The following GRAMD4 variants were observed in gnomAD, a reference collection of about 807,000 sequenced individuals.
GRAMD4 encodes GRAM domain-containing protein 4.
In GRAMD4, 25 loss-of-function variants were observed where a neutral mutation model predicts 83.9. The ratio of observed to expected loss-of-function variants is 0.30; its 90% CI spans 0.22 to 0.42. GRAMD4 has a LOEUF of 0.42. GRAMD4 is among the 10% of genes least tolerant of loss of function. The pLI is 1.00. For missense variants in GRAMD4, 593 were observed against 788.7 expected (o/e 0.75, Z 2.97); for synonymous variants, 336 against 320.9 (o/e 1.05, Z -0.50).
rs186057975 is a variant in GRAMD4 at position 46,641,025 on chromosome 22, C to T, written c.283+3065C>T. On this transcript the variant is annotated intron_variant, in intron 3 of 18. Coordinates refer to ENST00000406902, the MANE Select transcript of GRAMD4 (RefSeq NM_015124.5). ...CAAATTTCCCTGATAGGGATCGAGC[C>T]GCTGCACTCCAGCCCGGATGACAGA... Among the ~76,000 whole-genome samples, 607 of 151,240 alleles carry T rather than the reference C, an allele frequency of 4.0e-3. 4 individuals are homozygous for T. Among genetic ancestry groups the T allele is most frequent in the African/African-American group, 0.014 (576 of 40,524 alleles).
chr22:46,608,947 T>C (rs918235996), intron 1 of GRAMD4, among the ~76,000 whole-genome samples: 12 of 151,960 alleles, frequency 7.9e-5, no homozygotes, highest in African/African-American at 2.9e-4. Context: ...CACGTGCCTG[T>C]AGTACCAGCC....
At chr22:46,579,753 A>G (rs6008920) in intron 1 of GRAMD4, among the ~76,000 whole-genome samples, 150,354 of 152,228 alleles carry the variant, frequency 0.99, 74,265 homozygotes, top group East Asian at 1. Context: ...ACTGGGGTTT[A>G]TTTGGCATTG....
At chr22:46,669,993 C>G (rs2748339) in intron 13 of GRAMD4, among the ~76,000 whole-genome samples, 1 of 152,222 alleles carries the variant, frequency 6.6e-6, no homozygotes, top group South Asian at 2.1e-4. Context: ...GCGAGGCCGC[C>G]AGGGTCCTGT....
chr22:46,680,733 TCCACCCAC>T (rs2082663097), downstream of GRAMD4, among the ~76,000 whole-genome samples: 6 of 77,286 alleles, frequency 7.8e-5, no homozygotes, highest in Non-Finnish European at 1.5e-4. Flanking sequence ...CACCCATCCA[TCCACCCAC>T]CCATCCATCC....
chr22:46,598,496 C>T (rs563499367), intron 1 of GRAMD4, among the ~76,000 whole-genome samples: 1 of 152,092 alleles, frequency 6.6e-6, no homozygotes, highest in Admixed American at 6.5e-5. Context: ...GGCCTGAACG[C>T]CTCTAAGTTG....
intron 13 of GRAMD4, chr22:46,670,928 A>G (rs1432363647): frequency 2.0e-5 from 5 of 250,534 alleles, no homozygotes; most frequent in Non-Finnish European, 4.5e-5. Flanking sequence ...TGTGACACCC[A>G]GTGTGGTTTG....
At chr22:46,637,676 T>A (rs1045141938) in intron 2 of GRAMD4, among the ~76,000 whole-genome samples, 164 bp from the exon 3 acceptor site, 11 of 151,478 alleles carry the variant, frequency 7.3e-5, no homozygotes, top group African/African-American at 2.7e-4. Flanking sequence ...CGTCGCCCCA[T>A]CTGACTGCTG....
At chr22:46,617,179 CGTGTAGGTTCCTCCGT>C, upstream of GRAMD4, among the ~76,000 whole-genome samples, 1 of 121,932 alleles carries the variant, frequency 8.2e-6, no homozygotes, top group African/African-American at 3.2e-5. Context: ...TTCCCCTGTG[CGTGTAGGTTCCTCCGT>C]GTGTAGGTTC....
Position 46,621,075 on chromosome 22 carries a change from G to A in GRAMD4, c.-50+510G>A, listed in dbSNP as rs369270688. On this transcript the variant is annotated intron_variant, in intron 1 of 18. Transcript: ENST00000406902. The surrounding 1 kb of genome is among the most constrained non-coding windows in gnomAD (Gnocchi z 5.8). Reference sequence around the variant, plus strand: ...AGGAGCTGGGCTTCCTCCAGGGACCGTGGAGGGGGTGGGGATGGGCAGCTA... The same window carrying A: ...AGGAGCTGGGCTTCCTCCAGGGACCATGGAGGGGGTGGGGATGGGCAGCTA... 6.6e-6 allele frequency among the ~76,000 whole-genome samples: 1 copy of A among 151,856 alleles called. No homozygotes were observed. The highest frequency in any genetic ancestry group is 2.4e-5 in the African/African-American group (1 of 41,320).
At chr22:46,632,034 C>T (rs1469612498) in intron 2 of GRAMD4, among the ~76,000 whole-genome samples, 1 of 152,228 alleles carries the variant, frequency 6.6e-6, no homozygotes, top group African/African-American at 2.4e-5. Context: ...CATCTCTGGC[C>T]GCTGTCACCA....
intron 14 of GRAMD4, 73 bp downstream of exon 14, chr22:46,673,070 G>C (rs2082537200): frequency 8.1e-7 from 1 of 1,238,412 alleles, no homozygotes; most frequent in Admixed American, 2.5e-5. Flanking sequence ...GGCCCACAGT[G>C]CTCTGTTCAC....
intron 11 of GRAMD4, 104 bp from the exon 12 acceptor site, chr22:46,668,585 G>T (rs866578072): frequency 8.5e-6 from 9 of 1,056,056 alleles, no homozygotes; most frequent in South Asian, 1.2e-5. Flanking sequence ...ACAGGGCTCC[G>T]AGTGACCTCA....
chr22:46,653,941 G>A (rs530605214), intron 3 of GRAMD4, among the ~76,000 whole-genome samples: 41 of 152,284 alleles, frequency 2.7e-4, no homozygotes, highest in African/African-American at 9.1e-4. Flanking sequence ...GAAGACAGAG[G>A]CATGAGATGG....
chr22:46,663,475 C>A (rs2542037), intron 6 of GRAMD4, among the ~76,000 whole-genome samples: 68,030 of 152,138 alleles, frequency 0.45, 16,406 homozygotes, highest in African/African-American at 0.63. Context: ...TCTTGAGTCC[C>A]ATCAGTAAAC....
intron 1 of GRAMD4, among the ~76,000 whole-genome samples, chr22:46,611,814 T>C (rs1036900139): frequency 3.4e-5 from 5 of 149,012 alleles, no homozygotes; most frequent in Non-Finnish European, 7.4e-5. Context: ...CATGGTGAAA[T>C]TCCATCTTTA....
At chr22:46,578,698 C>G (rs1309876232) in intron 1 of GRAMD4, among the ~76,000 whole-genome samples, 1 of 152,158 alleles carries the variant, frequency 6.6e-6, no homozygotes, top group Non-Finnish European at 1.5e-5. Context: ...AACCACGTTC[C>G]CCTGTTGTTA....
intron 13 of GRAMD4, chr22:46,671,026 C>A: frequency 2.3e-6 from 1 of 434,346 alleles, no homozygotes; most frequent in Non-Finnish European, 5.0e-6. Flanking sequence ...CCTGGCTTAT[C>A]GGTGCCCATG....
At chr22:46,592,958 A>G (rs1474320542) in intron 1 of GRAMD4, among the ~76,000 whole-genome samples, 1 of 152,024 alleles carries the variant, frequency 6.6e-6, no homozygotes, top group Non-Finnish European at 1.5e-5. Flanking sequence ...GAAGATATAA[A>G]CCCCACATTG....
At chr22:46,611,130 C>T (rs2081412541) in intron 1 of GRAMD4, among the ~76,000 whole-genome samples, 1 of 151,432 alleles carries the variant, frequency 6.6e-6, no homozygotes, top group Non-Finnish European at 1.5e-5. Flanking sequence ...GCAGGGGAAT[C>T]ATTTGAACCC....
Sources: gnomAD v4.1 joint callset for allele counts (sites outside exome capture counted in the v4.1 genomes callset) on GRCh38, gnomAD v4.1.1 for gene constraint, Gnocchi (gnomAD v3.1) non-coding constraint, MANE v1.5 for transcripts, NCBI Gene and HGNC (gene_info 2026-07-23, HGNC 2026-07-21) for gene names.